The following OLFML2A variants were observed in gnomAD, a reference collection of about 807,000 sequenced individuals.
The protein encoded by OLFML2A is olfactomedin-like protein 2A.
A neutral mutation model predicts 60.9 loss-of-function variants in OLFML2A; 47 were observed. The observed-to-expected ratio is 0.77, with a 90% confidence interval of 0.61 to 0.98. The LOEUF (loss-of-function observed/expected upper bound fraction) is 0.98, where lower values mean the gene tolerates loss of function less well. Among genes scored for constraint, OLFML2A ranks in the 50% least tolerant of loss-of-function variants. The probability of loss-of-function intolerance (pLI) is 0.00; values close to 1 mark genes in which losing one functional copy is unlikely to be tolerated. For missense variants in OLFML2A, 922 were observed against 879.8 expected, an observed-to-expected ratio of 1.05 and a Z score of -0.61; for synonymous variants, 372 against 375.0, an observed-to-expected ratio of 0.99 and a Z score of 0.09.
In OLFML2A at chr9:124,787,245, T is replaced by G; in HGVS notation, c.354+7T>G. 6.2e-7 allele frequency: 1 copy of G among 1,612,442 alleles called. No homozygotes were observed. On this transcript the variant is annotated splice_region_variant and intron_variant, in intron 2 of 7. Coordinates refer to ENST00000373580, the MANE Select transcript of OLFML2A (RefSeq NM_182487.4). ...GGCGCCCGAGCTCCTCAAGGTAGAC[T>G]TGGTGGGGTGATGGAGGGAGTAAGG...
At chr9:124,782,305 C>G (rs2131240410) in intron 1 of OLFML2A, among the ~76,000 whole-genome samples, 1 of 152,338 alleles carries the variant, frequency 6.6e-6, no homozygotes, top group Middle Eastern at 3.4e-3. Context: ...GCTCAGCTTT[C>G]TCCTCTCTAA....
chr9:124,777,503 A>C lies in OLFML2A; in HGVS notation c.90+143A>C. The C allele has an allele frequency of 1.1e-6, 1 of 923,096 alleles. No individual in the cohort carries two copies. The highest frequency in any genetic ancestry group is 1.4e-6 in the Non-Finnish European group (1 of 713,618). 57.2% of individuals were successfully genotyped at this position (923,096 alleles called of 1,614,324 possible). A position where few individuals can be genotyped will look rare whatever the true frequency, so the allele number is the denominator to read the frequency against. On this transcript the variant is annotated intron_variant, in intron 1 of 7. Transcript: ENST00000373580. The surrounding 1 kb of genome is among the most constrained non-coding windows in gnomAD (Gnocchi z 6.2). ...GAGACCGAACCTGGGACTTCTCAGC[A>C]CTGAAGCCGCAGGGGCAGGGGCCCC... is the stretch of plus-strand genomic sequence containing the variant.
At chr9:124,805,204 C>G (rs1275317709) in intron 6 of OLFML2A, among the ~76,000 whole-genome samples, 2 of 152,138 alleles carry the variant, frequency 1.3e-5, no homozygotes, top group East Asian at 3.9e-4. Context: ...GGGATCTTGG[C>G]TCTCTGTGGT....
At chr9:124,795,262 G>A (rs1487427216) in intron 3 of OLFML2A, 131 bp downstream of exon 3, 2 of 581,996 alleles carry the variant, frequency 3.4e-6, no homozygotes, top group Middle Eastern at 4.6e-4. Flanking sequence ...CCAGGAGCTG[G>A]GGGAGGGAAA....
intron 1 of OLFML2A, among the ~76,000 whole-genome samples, chr9:124,782,048 GGA>G (rs1841369218): frequency 6.6e-6 from 1 of 152,244 alleles, no homozygotes; most frequent in South Asian, 2.1e-4. Flanking sequence ...GCCAAGGCAG[GGA>G]CTTTCCTGCT....
chr9:124,798,631 C>G (rs1247504977), intron 3 of OLFML2A, among the ~76,000 whole-genome samples: 1 of 151,462 alleles, frequency 6.6e-6, no homozygotes, highest in Non-Finnish European at 1.5e-5. Flanking sequence ...GCCAGGAGTT[C>G]CAGACCAGCC....
intron 1 of OLFML2A, among the ~76,000 whole-genome samples, chr9:124,786,433 C>T (rs116168190): frequency 2.0e-4 from 30 of 150,842 alleles, no homozygotes; most frequent in African/African-American, 6.8e-4. Flanking sequence ...TAAAAATACA[C>T]GCACGGGCCG....
chr9:124,785,400 T>C (rs1448760300), intron 1 of OLFML2A, among the ~76,000 whole-genome samples: 2 of 125,224 alleles, frequency 1.6e-5, no homozygotes, highest in African/African-American at 6.6e-5. Context: ...CTTTTTTTTT[T>C]TTTTTTTTTT....
rs200561286 is a variant in OLFML2A at position 124,786,983 on chromosome 9, G to A, written c.99G>A (p.Gly33=). The A allele has an allele frequency of 4.0e-4, 645 of 1,609,292 alleles. No individual in the cohort carries two copies. Among genetic ancestry groups the A allele is most frequent in the Admixed American group, 5.2e-4 (31 of 59,946 alleles). Residue 33 remains glycine, a synonymous_variant, in exon 2 of 8, where the codon GGG becomes GGA. Coordinates refer to ENST00000373580, the MANE Select transcript of OLFML2A (RefSeq NM_182487.4). ...CTTGCCCCCCGCAACAGGTGTTTGG[G>A]GACCTGGACCAGGTGAGGATGACCT... ...RPTRADSKVF[G]DLDQVRMTSE...
chr9:124,813,512 G>C lies in OLFML2A; in HGVS notation c.*3100G>C, dbSNP rs1280818595. On this transcript the variant is annotated 3_prime_UTR_variant, in exon 8 of 8. Coordinates refer to ENST00000373580, the MANE Select transcript of OLFML2A (RefSeq NM_182487.4). The stretch of plus-strand genomic sequence containing the variant: ...CCAGGCTCACACAGCAGCTCAGCCT[G>C]TTCCAGGCGCTGGTCAGTGCGTGTT... 1.3e-5 allele frequency: 2 copies of C among 152,222 alleles called. No homozygotes were observed. Among genetic ancestry groups the C allele is most frequent in the African/African-American group, 2.4e-5 (1 of 41,456 alleles). 9.4% of individuals were successfully genotyped at this position (152,222 alleles called of 1,614,324 possible). A position where few individuals can be genotyped will look rare whatever the true frequency, so the allele number is the denominator to read the frequency against.
At chr9:124,800,995 G>C in intron 4 of OLFML2A, 1 of 1,550,834 alleles carries the variant, frequency 6.4e-7, no homozygotes, top group South Asian at 1.2e-5. Context: ...GGATGAGTTG[G>C]TCACCTTGCC....
intron 3 of OLFML2A, among the ~76,000 whole-genome samples, chr9:124,797,719 G>A (rs1243838699): frequency 2.6e-5 from 4 of 152,324 alleles, no homozygotes; most frequent in South Asian, 2.1e-4. Flanking sequence ...TAGAGCTTTG[G>A]CGAACTGGGA....
intron 2 of OLFML2A, 44 bp from the exon 3 acceptor site, chr9:124,794,980 C>A: frequency 8.4e-7 from 1 of 1,194,838 alleles, no homozygotes; most frequent in Non-Finnish European, 1.2e-6. Context: ...TCTGGCCGGC[C>A]ATGTGCTGCA....
chr9:124,791,431 T>C (rs577509507), intron 2 of OLFML2A, among the ~76,000 whole-genome samples: 1 of 152,240 alleles, frequency 6.6e-6, no homozygotes, highest in Non-Finnish European at 1.5e-5. Flanking sequence ...TACAAATGAA[T>C]TATTAGAGAA....
intron 1 of OLFML2A, chr9:124,778,954 C>T (rs1371857521): frequency 8.1e-6 from 8 of 984,956 alleles, no homozygotes; most frequent in Admixed American, 6.2e-5. Flanking sequence ...TGCCTGCCCA[C>T]GGACAGATAA....
At chr9:124,786,939 G>A (rs1361133794) in intron 1 of OLFML2A, 36 bp from the exon 2 acceptor site, 2 of 1,585,340 alleles carry the variant, frequency 1.3e-6, no homozygotes, top group Non-Finnish European at 1.7e-6. Context: ...CTGCCTAGCA[G>A]CAACTCACTG....
Position 124,777,334 on chromosome 9 carries a change from G to T in OLFML2A, c.64G>T (p.Gly22Cys). 7.7e-7 allele frequency: 1 copy of T among 1,292,286 alleles called. No individual in the cohort carries two copies. The highest frequency in any genetic ancestry group is 9.9e-7 in the Non-Finnish European group (1 of 1,015,064). The allele number at this position is 1,292,286 out of a possible 1,614,324, so 80.1% of individuals were successfully genotyped here. ...TCTGCCGCTAGTGCTGCTGCTGAGC[G>T]GCCGCCCCACGCGCGCCGACAGTAA... ...LLLPLVLLLSGRPTRADSKVF... is the reference protein window; with the variant it reads ...LLLPLVLLLSCRPTRADSKVF... Residue 22 changes from glycine to cysteine, a missense_variant, in exon 1 of 8, where the codon GGC (glycine) becomes TGC (cysteine). Gly to Cys is a radical substitution (Grantham distance 159). Transcript: ENST00000373580. The surrounding 1 kb of genome is among the most constrained non-coding windows in gnomAD (Gnocchi z 6.2).
chr9:124,784,952 T>TTTTTTTG lies in OLFML2A; in HGVS notation c.91-2017_91-2016insGTTTTTT, dbSNP rs1419877368. Among the ~76,000 whole-genome samples, 9 of 108,138 alleles carry TTTTTTTG rather than the reference T, an allele frequency of 8.3e-5. No individual in the cohort carries two copies. The East Asian group carries it at 1.3e-3, about 16-fold the overall frequency. 70.9% of individuals were successfully genotyped at this position (108,138 alleles called of 152,430 possible). On this transcript the variant is annotated intron_variant, in intron 1 of 7. Coordinates refer to ENST00000373580, the MANE Select transcript of OLFML2A (RefSeq NM_182487.4). ...TGCATTCCTTTTACTTGTTTTTTTT[T>TTTTTTTG]TTTTTTTTTTTTTTTTTTTGAGACG...
Position 124,810,708 on chromosome 9 carries a change from G to A in OLFML2A, c.*296G>A. 2 of 437,852 alleles carry A rather than the reference G, an allele frequency of 4.6e-6. No individual in the cohort carries two copies. The highest frequency in any genetic ancestry group is 8.3e-6 in the Non-Finnish European group (2 of 241,744). 27.1% of individuals were successfully genotyped at this position (437,852 alleles called of 1,614,324 possible). On this transcript the variant is annotated 3_prime_UTR_variant, in exon 8 of 8. Coordinates refer to ENST00000373580, the MANE Select transcript of OLFML2A (RefSeq NM_182487.4). ...ACAGACGAGGAGACAGGCTCAGAGA[G>A]GCACCGTCCCTTGCCTAACACCTCA...
Sources: gnomAD v4.1 joint callset for allele counts (sites outside exome capture counted in the v4.1 genomes callset) on GRCh38, gnomAD v4.1.1 for gene constraint, Gnocchi (gnomAD v3.1) non-coding constraint, MANE v1.5 for transcripts, NCBI Gene and HGNC (gene_info 2026-07-23, HGNC 2026-07-21) for gene names.